ADIPOR2: variants seen among roughly 807,000 people sequenced by gnomAD.
ADIPOR2 encodes adiponectin receptor protein 2.
A neutral mutation model predicts 40.9 loss-of-function variants in ADIPOR2; 18 were observed. The ratio of observed to expected loss-of-function variants is 0.44; its 90% CI spans 0.30 to 0.65. ADIPOR2 has a LOEUF of 0.65. Ranked by LOEUF, ADIPOR2 falls within the 30% of genes least tolerant of loss-of-function variation. The pLI is 0.09. For synonymous variants in ADIPOR2, 165 were observed against 166.4 expected (o/e 0.99, Z 0.06); for missense variants, 283 against 479.2 (o/e 0.59, Z 3.82).
intron 1 of ADIPOR2, among the ~76,000 whole-genome samples, chr12:1,749,839 T>G (rs1421581116): frequency 6.7e-6 from 1 of 149,850 alleles, no homozygotes; most frequent in Non-Finnish European, 1.5e-5. Flanking sequence ...TTAGTTTTTT[T>G]TTTTTTTTTT....
rs138363742 is a variant in ADIPOR2, at chr12:1,695,535, C to T, written c.-87+4344C>T. Among the ~76,000 whole-genome samples the T allele has an allele frequency of 6.6e-5, 10 of 151,768 alleles. No individual in the cohort carries two copies. The East Asian group carries it at 1.6e-3, about 24-fold the overall frequency. On this transcript the variant is annotated intron_variant, in intron 1 of 7. Coordinates refer to ENST00000357103, the MANE Select transcript of ADIPOR2 (RefSeq NM_024551.3). ...AAAATTATCTGGGTATGGTGGCGCG[C>T]GCCTGTAATCCCAACTACTCAGGAG...
In ADIPOR2 at chr12:1,786,263, A is replaced by G. The variant is rs2154444629; in HGVS notation, c.*191A>G. The stretch of plus-strand genomic sequence containing the variant: ...AAAACAAAAATAAATCATACCTCAA[A>G]GGATGGAGTGCATCAATTGGGAGAA... On this transcript the variant is annotated 3_prime_UTR_variant, in exon 8 of 8. Transcript: ENST00000357103. 1 of 628,010 alleles carries G rather than the reference A, an allele frequency of 1.6e-6. No homozygotes were observed. The highest frequency in any genetic ancestry group is 1.8e-5 in the African/African-American group (1 of 54,400). 38.9% of individuals were successfully genotyped at this position (628,010 alleles called of 1,614,324 possible).
intron 1 of ADIPOR2, among the ~76,000 whole-genome samples, chr12:1,741,248 G>C (rs2094742273): frequency 6.6e-6 from 1 of 152,178 alleles, no homozygotes; most frequent in Non-Finnish European, 1.5e-5. Flanking sequence ...TAAATAAAGA[G>C]AGGAAACTGC....
intron 1 of ADIPOR2, among the ~76,000 whole-genome samples, chr12:1,713,707 C>T (rs1442604282): frequency 6.6e-6 from 1 of 152,022 alleles, no homozygotes; most frequent in Non-Finnish European, 1.5e-5. Context: ...ACAAGAAAGG[C>T]ATGTGAAAAG....
chr12:1,712,887 T>C (rs2094680406), intron 1 of ADIPOR2, among the ~76,000 whole-genome samples: 1 of 152,146 alleles, frequency 6.6e-6, no homozygotes, highest in Non-Finnish European at 1.5e-5. Flanking sequence ...GATATTTGAC[T>C]TGTTGTAGGC....
At position 1,780,624 on chromosome 12, in the gene ADIPOR2, C is replaced by T. The variant is rs1407413750; in HGVS notation, c.637C>T (p.Arg213Trp). The change falls in exon 5 of 8, where the codon CGG (arginine) becomes TGG (tryptophan). Residue 213 changes from arginine to tryptophan, a missense_variant. This residue lies in a region of ADIPOR2 where 112 missense variants were observed against 249.5 expected (regional missense o/e 0.45). Coordinates refer to ENST00000357103, the MANE Select transcript of ADIPOR2 (RefSeq NM_024551.3). ...TVYCHSEGVS[R>W]LFSKLDYSGI... ...CTACTGCCACTCAGAGGGGGTCTCTCGGCTCTTCTCTAAGTAAGTATCTGT... is the reference window on the plus strand; with the variant it reads ...CTACTGCCACTCAGAGGGGGTCTCTTGGCTCTTCTCTAAGTAAGTATCTGT... 1.9e-6 allele frequency: 3 copies of T among 1,593,106 alleles called. No homozygotes were observed. The highest frequency in any genetic ancestry group is 2.3e-5 in the East Asian group (1 of 44,192).
intron 2 of ADIPOR2, among the ~76,000 whole-genome samples, chr12:1,768,447 T>G (rs941683941): frequency 3.3e-5 from 5 of 152,194 alleles, no homozygotes; most frequent in African/African-American, 1.2e-4. Flanking sequence ...AGCTATACCT[T>G]TTTTTCTATG....
chr12:1,711,566 C>T (rs968122891), intron 1 of ADIPOR2, among the ~76,000 whole-genome samples: 5 of 152,014 alleles, frequency 3.3e-5, no homozygotes, highest in African/African-American at 1.2e-4. Context: ...ATAGGGTACA[C>T]TGTTTTTTCT....
chr12:1,717,062 A>C (rs2094688982), intron 1 of ADIPOR2, among the ~76,000 whole-genome samples: 1 of 152,236 alleles, frequency 6.6e-6, no homozygotes, highest in African/African-American at 2.4e-5. Flanking sequence ...GAGCTCTGCT[A>C]CTGGAAAGTA....
At chr12:1,766,118 T>C (rs542247974) in intron 2 of ADIPOR2, among the ~76,000 whole-genome samples, 26 of 152,190 alleles carry the variant, frequency 1.7e-4, no homozygotes, top group Non-Finnish European at 3.8e-4. Flanking sequence ...AGTACATTTG[T>C]GGTGAGTGCT....
At chr12:1,691,355 A>G (rs1325260586) in intron 1 of ADIPOR2, 164 bp downstream of exon 1, 1 of 152,112 alleles carries the variant, frequency 6.6e-6, no homozygotes, top group African/African-American at 2.4e-5. Flanking sequence ...CTTGATTCCT[A>G]ACTCTGACCT....
chr12:1,771,405 A>G (rs1028476990), intron 2 of ADIPOR2, among the ~76,000 whole-genome samples: 5 of 151,642 alleles, frequency 3.3e-5, no homozygotes, highest in African/African-American at 1.2e-4. Context: ...AAAAAAAAAA[A>G]GGTCCCGGGG....
At chr12:1,757,259 CT>C in intron 2 of ADIPOR2, 1 of 585,224 alleles carries the variant, frequency 1.7e-6, no homozygotes. Context: ...GGTCGCCAGT[CT>C]TTTGTCTTTC....
chr12:1,703,529 G>C (rs1344332490), intron 1 of ADIPOR2, among the ~76,000 whole-genome samples: 1 of 151,914 alleles, frequency 6.6e-6, no homozygotes, highest in Non-Finnish European at 1.5e-5. Context: ...TGAGCCCAAG[G>C]GTTCGAGACC....
Position 1,783,893 on chromosome 12 carries a change from C to T in ADIPOR2, c.852C>T (p.Gly284=), listed in dbSNP as rs755210641. 6.2e-7 allele frequency: 1 copy of T among 1,605,400 alleles called. No individual in the cohort carries two copies. ...TGTGACTCCTAGGAGTGTTTTTGGG[C>T]CTAGGCCTGAGTGGAATCATTCCTA... is the stretch of plus-strand genomic sequence containing the variant. ...YRGVRAGVFL[G]LGLSGIIPTL... Residue 284 remains glycine (G), a synonymous_variant, in exon 7 of 8, where the codon GGC becomes GGT. Transcript: ENST00000357103.
chr12:1,716,081 A>G (rs1458992557), intron 1 of ADIPOR2, among the ~76,000 whole-genome samples: 1 of 152,212 alleles, frequency 6.6e-6, no homozygotes, highest in East Asian at 1.9e-4. Flanking sequence ...ACTCACCACG[A>G]AGTTCTGCGG....
intron 1 of ADIPOR2, chr12:1,703,063 T>C (rs1019589352): frequency 9.8e-5 from 15 of 152,352 alleles, no homozygotes; most frequent in African/African-American, 3.6e-4. Context: ...CTTAAATTTG[T>C]GTACAAAGAT....
chr12:1,719,544 A>C (rs575717999), intron 1 of ADIPOR2, among the ~76,000 whole-genome samples: 2 of 152,346 alleles, frequency 1.3e-5, no homozygotes, highest in Admixed American at 1.3e-4. Flanking sequence ...GAAAATAATC[A>C]TATGTATCTT....
intron 1 of ADIPOR2, among the ~76,000 whole-genome samples, chr12:1,692,250 G>A (rs528678254): frequency 6.6e-6 from 1 of 152,010 alleles, no homozygotes; most frequent in Non-Finnish European, 1.5e-5. Context: ...TTATTTTTTG[G>A]GGGGAGGCTA....
Sources: allele counts gnomAD v4.1 joint callset (sites outside exome capture counted in the v4.1 genomes callset), GRCh38; gene constraint gnomAD v4.1.1; regional missense constraint gnomAD v4.1.1; transcripts MANE v1.5; gene names NCBI Gene and HGNC (gene_info 2026-07-23, HGNC 2026-07-21).